The following CDC42BPA variants were observed in gnomAD, a reference collection of about 807,000 sequenced individuals.
The protein encoded by CDC42BPA is serine/threonine-protein kinase MRCK alpha.
A neutral mutation model predicts 223.5 loss-of-function variants in CDC42BPA; 80 were observed. The ratio of observed to expected loss-of-function variants is 0.36; its 90% CI spans 0.30 to 0.43. The LOEUF is 0.43. Among genes scored for constraint, CDC42BPA ranks in the 20% least tolerant of loss-of-function variants. CDC42BPA has a pLI of 1.00. For synonymous variants in CDC42BPA, 694 were observed against 718.6 expected (o/e 0.97, Z 0.55); for missense variants, 1,743 against 2,099.9 (o/e 0.83, Z 3.32).
intron 5 of CDC42BPA, among the ~76,000 whole-genome samples, chr1:227,190,889 T>C (rs1405711639): frequency 2.6e-5 from 4 of 152,056 alleles, no homozygotes; most frequent in African/African-American, 9.6e-5. Flanking sequence ...GGTGGGGGGT[T>C]AAGACAAGGA....
In CDC42BPA at chr1:227,311,178, A is replaced by ACC. The variant is rs11383535; in HGVS notation, c.178+5825_178+5826dup. ...AGACCAGTCAGGACAACATAATGAG[A>ACC]CCCCCCATCTCCACACACACAAAAA... On this transcript the variant is annotated intron_variant, in intron 1 of 36. Transcript: ENST00000366766. Among the ~76,000 whole-genome samples, 161 of 151,564 alleles carry ACC rather than the reference A, an allele frequency of 1.1e-3. 2 individuals carry two copies. In the East Asian group the frequency reaches 0.021, roughly 20 times the overall value.
intron 1 of CDC42BPA, among the ~76,000 whole-genome samples, chr1:227,283,023 T>A (rs1056192731): frequency 2.8e-4 from 42 of 152,336 alleles, no homozygotes; most frequent in African/African-American, 8.2e-4. Context: ...CACAATTTTT[T>A]AAATAACTTT....
At chr1:227,131,313 G>GT (rs1657061370) in intron 10 of CDC42BPA, among the ~76,000 whole-genome samples, 2 of 152,156 alleles carry the variant, frequency 1.3e-5, no homozygotes, top group South Asian at 4.1e-4. Context: ...AAACTGGCTG[G>GT]TTTAAGTTAA....
intron 15 of CDC42BPA, among the ~76,000 whole-genome samples, chr1:227,094,580 TCAAA>T (rs1683648031): frequency 6.6e-6 from 1 of 152,230 alleles, no homozygotes; most frequent in Non-Finnish European, 1.5e-5. Context: ...TCACTTTGGC[TCAAA>T]CAAACTCTTT....
At chr1:227,132,631 A>C in intron 10 of CDC42BPA, among the ~76,000 whole-genome samples, 2 of 123,640 alleles carry the variant, frequency 1.6e-5, no homozygotes, top group Admixed American at 8.7e-5. Context: ...CTGGCTGCCC[A>C]GTCTGGAAAG....
chr1:227,225,245 T>C (rs1676658399), intron 2 of CDC42BPA, among the ~76,000 whole-genome samples: 1 of 152,162 alleles, frequency 6.6e-6, no homozygotes, highest in Non-Finnish European at 1.5e-5. Flanking sequence ...GAAGTGGGTA[T>C]CAATCCTGTG....
intron 11 of CDC42BPA, among the ~76,000 whole-genome samples, chr1:227,124,273 G>C (rs921657367): frequency 6.6e-6 from 1 of 152,164 alleles, no homozygotes; most frequent in South Asian, 2.1e-4. Flanking sequence ...AAATATTGGA[G>C]AACACTGCTG....
chr1:227,037,283 A>G (rs1323880799), intron 24 of CDC42BPA, among the ~76,000 whole-genome samples: 1 of 152,180 alleles, frequency 6.6e-6, no homozygotes. Context: ...TAACTTGGCT[A>G]TCTTTTCCTG....
rs758118650 is a variant in CDC42BPA at position 226,994,935 on chromosome 1, C to T, written c.5021G>A (p.Gly1674Glu). Reference sequence around the variant, plus strand: ...CTGCCGCTTGGCACTGTAGCTTCCTCCAGAGAATTCCCTCTTTAATGCGCT... The same window carrying T: ...CTGCCGCTTGGCACTGTAGCTTCCTTCAGAGAATTCCCTCTTTAATGCGCT... ...NGSALKREFS[G>E]GSYSAKRQPM... Residue 1674 changes from glycine to glutamate, a missense_variant, in exon 36 of 37, where the codon GGA (glycine) becomes GAA (glutamate). Around this residue, in one of 6 missense-constraint regions of CDC42BPA, gnomAD observed 200 missense variants for 192.8 expected, o/e 1.04. Transcript: ENST00000366766. This position sits in a 1 kb window ranked among gnomAD's most constrained non-coding sequence, Gnocchi z 4.0. 5.0e-6 allele frequency: 8 copies of T among 1,614,166 alleles called. 1 individual carries two copies. The highest frequency in any genetic ancestry group is 4.4e-5 in the South Asian group (4 of 91,074).
At chr1:227,117,356 G>C (rs1182712489) in intron 12 of CDC42BPA, among the ~76,000 whole-genome samples, 2 of 152,026 alleles carry the variant, frequency 1.3e-5, no homozygotes, top group African/African-American at 4.8e-5. Flanking sequence ...TTGCTCTGTT[G>C]ATCAGGCTGG....
intron 2 of CDC42BPA, among the ~76,000 whole-genome samples, chr1:227,247,150 A>C (rs187444319): frequency 6.6e-6 from 1 of 152,050 alleles, no homozygotes; most frequent in Non-Finnish European, 1.5e-5. Flanking sequence ...CAGTGAGCCA[A>C]GATCGTGTCA....
intron 5 of CDC42BPA, chr1:227,180,707 TTCC>T (rs1474318885): frequency 6.6e-6 from 1 of 152,228 alleles, no homozygotes; most frequent in African/African-American, 2.4e-5. Flanking sequence ...ACCACAAAAG[TTCC>T]TCATCTTCCC....
At chr1:227,058,424 G>C (rs1675043414) in intron 21 of CDC42BPA, among the ~76,000 whole-genome samples, 1 of 152,154 alleles carries the variant, frequency 6.6e-6, no homozygotes, top group African/African-American at 2.4e-5. Context: ...CCGAGTCTAA[G>C]AATTCGGAAT....
intron 5 of CDC42BPA, among the ~76,000 whole-genome samples, chr1:227,162,866 A>ATGTGTGCGTGTGTG (rs71574598): frequency 7.9e-6 from 1 of 127,186 alleles, no homozygotes. Context: ...AAATAAATAT[A>ATGTGTGCGTGTGTG]TATGTGTGTG....
intron 19 of CDC42BPA, 130 bp from the exon 20 acceptor site, chr1:227,072,429 G>A (rs10495262): frequency 0.071 from 42,087 of 590,316 alleles, 2,753 homozygotes; most frequent in East Asian, 0.28. Flanking sequence ...AAATTACTGC[G>A]GGAAGAACAA....
rs117339306 is a variant in CDC42BPA at position 227,278,875 on chromosome 1, T to C, written c.179-24720A>G. 2.5e-3 allele frequency among the ~76,000 whole-genome samples: 387 copies of C among 152,286 alleles called. 9 individuals carry two copies. The East Asian group carries it at 0.047, about 19-fold the overall frequency. Reference sequence around the variant, plus strand: ...TGGAATTTTTAGCACTGTTAAGGCATTAAGTGATTTAAATTTAAATTAGCC... The same window carrying C: ...TGGAATTTTTAGCACTGTTAAGGCACTAAGTGATTTAAATTTAAATTAGCC... On this transcript the variant is annotated intron_variant, in intron 1 of 36. Transcript: ENST00000366766.
Position 227,028,994 on chromosome 1 carries a change from T to C in CDC42BPA, c.4095A>G (p.Leu1365=), listed in dbSNP as rs372369153. 1.4e-3 allele frequency: 2,222 copies of C among 1,614,090 alleles called. 43 individuals carry two copies. In the South Asian group the frequency reaches 0.023, roughly 17 times the overall value. The change falls in exon 30 of 37, where the codon CTA becomes CTG. Residue 1365 remains leucine (L), a synonymous_variant. Transcript: ENST00000366766. ...TTCTGTGACGGGTCTTGCTCTGAAA[T>C]AGTTCATAACAGAGGACCTGCCTTT... is the stretch of plus-strand genomic sequence containing the variant. ...AMKRQVLCYE[L]FQSKTRHRKF... is the part of the protein sequence containing the mutation.
At chr1:227,200,556 C>G (rs1238201625) in intron 3 of CDC42BPA, among the ~76,000 whole-genome samples, 1 of 145,876 alleles carries the variant, frequency 6.9e-6, no homozygotes, top group Non-Finnish European at 1.5e-5. Flanking sequence ...AATGACTGTT[C>G]TTCTTTTAAC....
At chr1:227,162,399 A>G (rs10799396) in intron 5 of CDC42BPA, among the ~76,000 whole-genome samples, 30,557 of 152,218 alleles carry the variant, frequency 0.2, 3,171 homozygotes, top group East Asian at 0.26. Flanking sequence ...TTTGGTGTTT[A>G]CTGTATCCAT....
Sources: allele counts gnomAD v4.1 joint callset (sites outside exome capture counted in the v4.1 genomes callset), GRCh38; gene constraint gnomAD v4.1.1; regional missense constraint gnomAD v4.1.1; non-coding constraint Gnocchi (gnomAD v3.1); transcripts MANE v1.5; gene names NCBI Gene and HGNC (gene_info 2026-07-23, HGNC 2026-07-21).